NAPB: variants seen among roughly 807,000 people sequenced by gnomAD.
NAPB encodes beta-soluble NSF attachment protein.
Under a neutral mutation model 44.7 loss-of-function variants are expected in NAPB, and 26 were observed. The ratio of observed to expected loss-of-function variants is 0.58; its 90% CI spans 0.43 to 0.81. NAPB has a LOEUF of 0.81. Ranked by LOEUF, NAPB falls within the 30% of genes least tolerant of loss-of-function variation. The pLI is 0.00. For synonymous variants in NAPB, 120 were observed against 116.8 expected (o/e 1.03, Z -0.18); for missense variants, 315 against 356.4 (o/e 0.88, Z 0.94).
chr20:23,411,549 GTTGTA>G (rs1411765844), intron 1 of NAPB, among the ~76,000 whole-genome samples: 1 of 152,036 alleles, frequency 6.6e-6, no homozygotes, highest in Admixed American at 6.6e-5. Context: ...CACTGCATAT[GTTGTA>G]TTGTAGATCT....
At chr20:23,389,139 T>C (rs1983746696) in intron 7 of NAPB, among the ~76,000 whole-genome samples, 1 of 125,614 alleles carries the variant, frequency 8.0e-6, no homozygotes, top group Admixed American at 8.9e-5. Context: ...AATAAGCAAA[T>C]AAAAAGATGC....
At chr20:23,407,260 T>C (rs141478326) in intron 1 of NAPB, among the ~76,000 whole-genome samples, 21 of 152,350 alleles carry the variant, frequency 1.4e-4, no homozygotes, top group African/African-American at 4.3e-4. Flanking sequence ...TGAAAGTTAA[T>C]TTTTTGTAAA....
intron 7 of NAPB, among the ~76,000 whole-genome samples, 190 bp from the exon 8 acceptor site, chr20:23,381,507 A>C (rs1024004646): frequency 2.0e-5 from 3 of 152,228 alleles, no homozygotes; most frequent in Admixed American, 2.0e-4. Flanking sequence ...ATGAAGTCTT[A>C]ACCAGTTAAA....
rs1220217376 is a variant in NAPB, at chr20:23,397,058, C to T, written c.295+14G>A. The stretch of plus-strand genomic sequence containing the variant: ...ACACACAGAGATAGCATGCTACATG[C>T]CTGGCTGTCTTACCTTGGGGATCTG... On this transcript the variant is annotated intron_variant, in intron 3 of 10. Coordinates refer to ENST00000377026, the MANE Select transcript of NAPB (RefSeq NM_022080.3). The T allele has an allele frequency of 6.2e-7, 1 of 1,611,072 alleles. No homozygotes were observed. Among genetic ancestry groups the T allele is most frequent in the Non-Finnish European group, 8.5e-7 (1 of 1,177,720 alleles).
chr20:23,410,676 C>G (rs945050419), intron 1 of NAPB, among the ~76,000 whole-genome samples: 2 of 151,928 alleles, frequency 1.3e-5, no homozygotes, highest in African/African-American at 4.8e-5. Context: ...TACCCCCTGA[C>G]TCTAAAATAA....
chr20:23,400,244 C>T (rs774218364), intron 2 of NAPB, among the ~76,000 whole-genome samples: 4 of 152,170 alleles, frequency 2.6e-5, no homozygotes, highest in African/African-American at 7.2e-5. Context: ...AGTGTTGGGC[C>T]GGGCACAGTG....
intron 1 of NAPB, among the ~76,000 whole-genome samples, chr20:23,410,699 AG>A (rs1985594519): frequency 6.6e-6 from 1 of 152,218 alleles, no homozygotes; most frequent in African/African-American, 2.4e-5. Context: ...GTTGTAAAAA[AG>A]GAACAAATAT....
Position 23,397,069 on chromosome 20 carries a change from T to C in NAPB, c.295+3A>G. 1 of 1,612,406 alleles carries C rather than the reference T, an allele frequency of 6.2e-7. No homozygotes were observed. The highest frequency in any genetic ancestry group is 8.5e-7 in the Non-Finnish European group (1 of 1,178,644). On this transcript the variant is annotated splice_donor_region_variant and intron_variant, in intron 3 of 10. Coordinates refer to ENST00000377026, the MANE Select transcript of NAPB (RefSeq NM_022080.3). The stretch of plus-strand genomic sequence containing the variant: ...TAGCATGCTACATGCCTGGCTGTCT[T>C]ACCTTGGGGATCTGCCTTTTTGTAA...
chr20:23,408,599 C>A (rs1040440981), intron 1 of NAPB, among the ~76,000 whole-genome samples: 7 of 152,328 alleles, frequency 4.6e-5, no homozygotes, highest in African/African-American at 1.7e-4. Flanking sequence ...AAACTTGGGG[C>A]TTTCCTAGGT....
intron 7 of NAPB, 40 bp downstream of exon 7, chr20:23,389,906 T>A: frequency 6.4e-7 from 1 of 1,552,204 alleles, no homozygotes; most frequent in Non-Finnish European, 8.8e-7. Context: ...TGAAAAATTA[T>A]TCAGACAACT....
intron 3 of NAPB, among the ~76,000 whole-genome samples, chr20:23,396,000 T>C (rs1984330809): frequency 6.6e-6 from 1 of 152,228 alleles, no homozygotes; most frequent in African/African-American, 2.4e-5. Flanking sequence ...GGATCCCTGT[T>C]ACACCTTTTA....
intron 10 of NAPB, among the ~76,000 whole-genome samples, chr20:23,377,902 A>G (rs566468948): frequency 1.3e-5 from 2 of 152,298 alleles, no homozygotes; most frequent in East Asian, 1.9e-4. Flanking sequence ...GCATTACCCA[A>G]AAATAAAATT....
At chr20:23,382,135 C>A (rs887142109) in intron 7 of NAPB, among the ~76,000 whole-genome samples, 1 of 152,124 alleles carries the variant, frequency 6.6e-6, no homozygotes, top group Non-Finnish European at 1.5e-5. Flanking sequence ...TGAAGACTCT[C>A]ACCATACCAA....
rs368889975 is a variant in NAPB, at chr20:23,379,896, T to C, written c.706A>G (p.Thr236Ala). The part of the protein sequence containing the change: ...EKYEEMFPAF[T>A]DSRECKLLKK... ...AATAATTTACATTCTCTTGAATCAG[T>C]AAATGCTGGAAACATTTCCTCATAT... is the stretch of plus-strand genomic sequence containing the variant. Residue 236 changes from threonine to alanine, a missense_variant, in exon 9 of 11, where the codon ACT (threonine) becomes GCT (alanine). Thr to Ala is a moderately conservative substitution (Grantham distance 58, BLOSUM62 0). Transcript: ENST00000377026. 1 of 1,613,100 alleles carries C rather than the reference T, an allele frequency of 6.2e-7. No individual in the cohort carries two copies. The highest frequency in any genetic ancestry group is 8.5e-7 in the Non-Finnish European group (1 of 1,179,338).
At chr20:23,392,821 C>A (rs1484642491) in intron 5 of NAPB, among the ~76,000 whole-genome samples, 1 of 151,806 alleles carries the variant, frequency 6.6e-6, no homozygotes, top group African/African-American at 2.4e-5. Flanking sequence ...CTGTACCTGG[C>A]CTTTTTTTTT....
rs34074566 is a variant in NAPB at position 23,398,854 on chromosome 20, ATTTTTTTTTT to A, written c.179-1676_179-1667del. ...GCAAGACTCTTGTCTCAAAAAAAAA[ATTTTTTTTTT>A]TTTTTTTTTTTTTTGTAGAGACAGG... On this transcript the variant is annotated intron_variant, in intron 2 of 10. Coordinates refer to ENST00000377026, the MANE Select transcript of NAPB (RefSeq NM_022080.3). 6.6e-5 allele frequency among the ~76,000 whole-genome samples: 6 copies of A among 90,428 alleles called. No individual in the cohort carries two copies. The Admixed American group carries it at 7.4e-4, about 11-fold the overall frequency. 59.3% of individuals were successfully genotyped at this position (90,428 alleles called of 152,430 possible). A position where few individuals can be genotyped will look rare whatever the true frequency, so the allele number is the denominator to read the frequency against.
In NAPB at chr20:23,392,144, C is replaced by T. The variant is rs182168811; in HGVS notation, c.421-1880G>A. ...CTAGGCTCAGGGCTGTGATGGTGAG[C>T]GGAACAGTCATGGGCCCTGCCCTCA... On this transcript the variant is annotated intron_variant, in intron 5 of 10. Transcript: ENST00000377026. Among the ~76,000 whole-genome samples the T allele has an allele frequency of 7.9e-5, 12 of 152,282 alleles. No individual in the cohort carries two copies. The East Asian group carries it at 2.1e-3, about 27-fold the overall frequency.
At chr20:23,383,457 C>T (rs1983205729) in intron 7 of NAPB, among the ~76,000 whole-genome samples, 1 of 152,122 alleles carries the variant, frequency 6.6e-6, no homozygotes, top group South Asian at 2.1e-4. Context: ...TGGCTCATGC[C>T]TGTAATCCCA....
At chr20:23,390,711 G>A (rs1168596510) in intron 5 of NAPB, among the ~76,000 whole-genome samples, 1 of 152,210 alleles carries the variant, frequency 6.6e-6, no homozygotes, top group Non-Finnish European at 1.5e-5. Context: ...CTGTCAGGCA[G>A]GTTCCTAAGT....
Sources: gnomAD v4.1 joint callset for allele counts (sites outside exome capture counted in the v4.1 genomes callset) on GRCh38, gnomAD v4.1.1 for gene constraint, MANE v1.5 for transcripts, NCBI Gene and HGNC (gene_info 2026-07-23, HGNC 2026-07-21) for gene names.